Variants in NTM observed in about 807,000 individuals in gnomAD.
NTM encodes the protein IgLON family member 2.
Under a neutral mutation model 42.1 loss-of-function variants are expected in NTM, and 13 were observed. The ratio of observed to expected loss-of-function variants is 0.31; its 90% CI spans 0.20 to 0.49. The LOEUF (loss-of-function observed/expected upper bound fraction) is 0.49. Ranked by LOEUF, NTM falls within the 20% of genes least tolerant of loss-of-function variation. NTM has a pLI of 0.99. For synonymous variants in NTM, 187 were observed against 179.2 expected (o/e 1.04, Z -0.35); for missense variants, 373 against 452.8 (o/e 0.82, Z 1.60).
intron 4 of NTM, among the ~76,000 whole-genome samples, chr11:132,287,031 C>T (rs550496934): frequency 7.9e-5 from 12 of 152,244 alleles, no homozygotes; most frequent in African/African-American, 2.9e-4. Flanking sequence ...TAAATTCCTC[C>T]TTAGTGTGTA....
intron 1 of NTM, among the ~76,000 whole-genome samples, chr11:131,543,473 T>A (rs2053543398): frequency 1.3e-5 from 2 of 152,230 alleles, no homozygotes; most frequent in South Asian, 4.1e-4. Flanking sequence ...AGGACACTGA[T>A]CCACTGTCTT....
chr11:131,648,988 G>A (rs1176571823), intron 1 of NTM, among the ~76,000 whole-genome samples: 1 of 152,224 alleles, frequency 6.6e-6, no homozygotes, highest in East Asian at 1.9e-4. Flanking sequence ...CAAAGCATGA[G>A]CCTGAGAAAA....
chr11:131,753,459 T>C (rs1406821857), intron 1 of NTM, among the ~76,000 whole-genome samples: 4 of 152,034 alleles, frequency 2.6e-5, no homozygotes, highest in African/African-American at 9.7e-5. Context: ...TTATTGCAGC[T>C]CTATTCACAA....
chr11:131,775,342 G>A (rs925336100), intron 1 of NTM, among the ~76,000 whole-genome samples: 1 of 152,092 alleles, frequency 6.6e-6, no homozygotes, highest in South Asian at 2.1e-4. Context: ...TTATTCACTT[G>A]GTTTTCGTTT....
At chr11:131,819,723 C>T (rs1200274602) in intron 1 of NTM, among the ~76,000 whole-genome samples, 2 of 152,196 alleles carry the variant, frequency 1.3e-5, no homozygotes, top group Admixed American at 6.5e-5. Flanking sequence ...GGAGCCCTGC[C>T]ACCATGGGAT....
Position 132,154,843 on chromosome 11 carries a change from C to T in NTM, c.400+8329C>T, listed in dbSNP as rs187144209. 5.9e-5 allele frequency among the ~76,000 whole-genome samples: 9 copies of T among 152,306 alleles called. No individual in the cohort carries two copies. The East Asian group carries it at 9.6e-4, about 16-fold the overall frequency. ...ATTGGTATGAAATCTAATTGGCTTCCGCTAGAGCTTGGCTCAGCAGAGGAA... is the reference window on the plus strand; with the variant it reads ...ATTGGTATGAAATCTAATTGGCTTCTGCTAGAGCTTGGCTCAGCAGAGGAA... On this transcript the variant is annotated intron_variant, in intron 3 of 8. Transcript: ENST00000683400.
At chr11:131,588,916 A>G (rs535832264) in intron 1 of NTM, among the ~76,000 whole-genome samples, 3 of 152,344 alleles carry the variant, frequency 2.0e-5, no homozygotes, top group African/African-American at 4.8e-5. Flanking sequence ...AACAAGAGAA[A>G]GAAAGAGAAA....
chr11:131,439,798 A>C (rs1591668461), intron 1 of NTM, among the ~76,000 whole-genome samples: 1 of 152,030 alleles, frequency 6.6e-6, no homozygotes, highest in Admixed American at 6.6e-5. Flanking sequence ...GTTTCAGCTC[A>C]CCCTCCATGG....
intron 2 of NTM, among the ~76,000 whole-genome samples, chr11:132,013,448 A>C (rs1022616704): frequency 6.6e-6 from 1 of 152,236 alleles, no homozygotes; most frequent in Non-Finnish European, 1.5e-5. Flanking sequence ...TCTGTCATAG[A>C]CCATTCTTTA....
chr11:131,810,347 C>A (rs2092685693), intron 1 of NTM, among the ~76,000 whole-genome samples: 1 of 152,168 alleles, frequency 6.6e-6, no homozygotes, highest in Non-Finnish European at 1.5e-5. Context: ...ATTTTGTGGG[C>A]ACCCAGAGAG....
At chr11:132,194,814 CTTTTTTTTTT>C (rs902871492) in intron 3 of NTM, among the ~76,000 whole-genome samples, 2 of 110,650 alleles carry the variant, frequency 1.8e-5, no homozygotes, top group African/African-American at 3.7e-5. Flanking sequence ...GCATTTCTTC[CTTTTTTTTTT>C]TTTTTTTTTT....
intron 1 of NTM, among the ~76,000 whole-genome samples, chr11:131,648,901 C>T (rs1483000870): frequency 1.3e-5 from 2 of 152,064 alleles, no homozygotes; most frequent in Non-Finnish European, 2.9e-5. Context: ...GTGGCACATC[C>T]AGAAAGAAGA....
chr11:131,702,477 A>G lies in NTM; in HGVS notation c.83-209087A>G, dbSNP rs566523770. On this transcript the variant is annotated intron_variant, in intron 1 of 8. Coordinates refer to ENST00000683400, the MANE Select transcript of NTM (RefSeq NM_001352005.2). ...CCCAGCATCTTGTCCAAGGTCACACAACGAGCAGGTGGTGGTATTGGGTTT... is the reference window on the plus strand; with the variant it reads ...CCCAGCATCTTGTCCAAGGTCACACGACGAGCAGGTGGTGGTATTGGGTTT... 6.2e-4 allele frequency among the ~76,000 whole-genome samples: 94 copies of G among 152,296 alleles called. 1 individual carries two copies. Among genetic ancestry groups the G allele is most frequent in the African/African-American group, 2.2e-3 (91 of 41,562 alleles).
intron 2 of NTM, among the ~76,000 whole-genome samples, chr11:132,135,432 G>T (rs1406565824): frequency 6.6e-6 from 1 of 152,254 alleles, no homozygotes; most frequent in African/African-American, 2.4e-5. Context: ...TCTAGAGGCA[G>T]ATTCTGGGAT....
At chr11:131,522,954 T>A (rs1368219037) in intron 1 of NTM, among the ~76,000 whole-genome samples, 3 of 152,220 alleles carry the variant, frequency 2.0e-5, no homozygotes, top group African/African-American at 7.2e-5. Flanking sequence ...CTGGTGATTT[T>A]AATATGTAAC....
intron 1 of NTM, among the ~76,000 whole-genome samples, chr11:131,396,223 C>T (rs1591551754): frequency 1.3e-5 from 2 of 152,210 alleles, no homozygotes; most frequent in East Asian, 3.9e-4. Flanking sequence ...CCTCCTTCCT[C>T]ACCTACAAAA....
intron 2 of NTM, among the ~76,000 whole-genome samples, chr11:132,111,524 G>A (rs1032435022): frequency 6.6e-6 from 1 of 152,066 alleles, no homozygotes; most frequent in Non-Finnish European, 1.5e-5. Context: ...ATCAGGCATC[G>A]AGGAGCTCAA....
chr11:131,391,215 C>T (rs909064211), intron 1 of NTM, among the ~76,000 whole-genome samples: 1 of 152,068 alleles, frequency 6.6e-6, no homozygotes, highest in African/African-American at 2.4e-5. Context: ...GCCAACTTGC[C>T]CAGGTCTCTA....
At chr11:132,228,961 A>G (rs1296863523) in intron 4 of NTM, among the ~76,000 whole-genome samples, 2 of 152,142 alleles carry the variant, frequency 1.3e-5, no homozygotes, top group Non-Finnish European at 2.9e-5. Context: ...GTAAGCCTGG[A>G]TTCTTAGGCT....
Sources: allele counts gnomAD v4.1 joint callset (sites outside exome capture counted in the v4.1 genomes callset), GRCh38; gene constraint gnomAD v4.1.1; transcripts MANE v1.5; gene names NCBI Gene and HGNC (gene_info 2026-07-23, HGNC 2026-07-21).